Variants in DMRT1 observed in about 807,000 individuals in gnomAD.
DMRT1 encodes the protein doublesex- and mab-3-related transcription factor 1.
A neutral mutation model predicts 32.3 loss-of-function variants in DMRT1; 7 were observed. The ratio of observed to expected loss-of-function variants is 0.22; its 90% CI spans 0.12 to 0.41. The LOEUF is 0.41. Among genes scored for constraint, DMRT1 ranks in the 10% least tolerant of loss-of-function variants. The pLI is 1.00. For missense variants in DMRT1, 625 were observed against 500.5 expected (o/e 1.25, Z -2.37); for synonymous variants, 278 against 206.1 (o/e 1.35, Z -2.99).
At chr9:919,158 G>A (rs1818277340) in intron 4 of DMRT1, among the ~76,000 whole-genome samples, 1 of 152,176 alleles carries the variant, frequency 6.6e-6, no homozygotes, top group African/African-American at 2.4e-5. Context: ...TCCTTTGGTT[G>A]ATTGTGTTAA....
intron 4 of DMRT1, among the ~76,000 whole-genome samples, chr9:925,828 G>A (rs10977543): frequency 0.69 from 105,280 of 152,026 alleles, 37,314 homozygotes; most frequent in South Asian, 0.86. Context: ...GTAGGGGAAA[G>A]GAGGGGTCCT....
At chr9:924,070 C>CTT (rs1554757297) in intron 4 of DMRT1, among the ~76,000 whole-genome samples, 41 of 87,034 alleles carry the variant, frequency 4.7e-4, no homozygotes, top group Non-Finnish European at 7.5e-4. Context: ...TGATCAATCT[C>CTT]TTTTTTTTTT....
chr9:942,588 A>G lies in DMRT1; in HGVS notation c.968-25397A>G, dbSNP rs1219852345. On this transcript the variant is annotated intron_variant, in intron 4 of 4. Coordinates refer to ENST00000382276, the MANE Select transcript of DMRT1 (RefSeq NM_021951.3). ...GTGCCTGGCCTATTTTTCATTTTAAACTTGATATAAAATTGCAATGATGAT... is the reference window on the plus strand; with the variant it reads ...GTGCCTGGCCTATTTTTCATTTTAAGCTTGATATAAAATTGCAATGATGAT... 2.0e-5 allele frequency among the ~76,000 whole-genome samples: 3 copies of G among 152,142 alleles called. No individual in the cohort carries two copies. The East Asian group carries it at 5.8e-4, about 29-fold the overall frequency.
Position 841,731 on chromosome 9 carries a change from C to T in DMRT1, c.-108C>T, listed in dbSNP as rs149965643. The T allele has an allele frequency of 1.5e-3, 2,248 of 1,545,246 alleles. 30 individuals carry two copies. In the African/African-American group the frequency reaches 0.027, roughly 19 times the overall value. The stretch of plus-strand genomic sequence containing the variant: ...GCGCCTCCGGCTGCAGCGCACACGT[C>T]TCCTGCGCCTCCTCCTCCGGAGCGT... On this transcript the variant is annotated 5_prime_UTR_variant, in exon 1 of 5. Transcript: ENST00000382276.
At chr9:895,882 G>A (rs887211193) in intron 3 of DMRT1, among the ~76,000 whole-genome samples, 3 of 143,838 alleles carry the variant, frequency 2.1e-5, no homozygotes, top group Non-Finnish European at 4.5e-5. Context: ...TCGGCTCACT[G>A]CAACCTCTGC....
At chr9:923,140 G>T (rs779459443) in intron 4 of DMRT1, among the ~76,000 whole-genome samples, 1 of 152,280 alleles carries the variant, frequency 6.6e-6, no homozygotes, top group Middle Eastern at 3.4e-3. Context: ...GAGTGGACTT[G>T]CTTAATGCTG....
chr9:869,365 C>T (rs907299284), intron 2 of DMRT1, among the ~76,000 whole-genome samples: 10 of 152,200 alleles, frequency 6.6e-5, no homozygotes, highest in African/African-American at 2.4e-4. Flanking sequence ...CAAAGGTGTA[C>T]TCATCTGCAC....
chr9:945,487 G>A (rs1448243917), intron 4 of DMRT1, among the ~76,000 whole-genome samples: 1 of 152,062 alleles, frequency 6.6e-6, no homozygotes, highest in Admixed American at 6.5e-5. Flanking sequence ...TTTCCAATCA[G>A]CCATTTCGTA....
intron 4 of DMRT1, among the ~76,000 whole-genome samples, chr9:947,573 G>C (rs1449236500): frequency 6.6e-6 from 1 of 152,166 alleles, no homozygotes; most frequent in Non-Finnish European, 1.5e-5. Context: ...CAAAATGATA[G>C]AATTTAAATT....
At chr9:930,551 G>T (rs1353611569) in intron 4 of DMRT1, among the ~76,000 whole-genome samples, 1 of 152,044 alleles carries the variant, frequency 6.6e-6, no homozygotes, top group Non-Finnish European at 1.5e-5. Flanking sequence ...TGGGGCTACA[G>T]GCGCCCGCCA....
At chr9:867,091 AG>A (rs1383113986) in intron 2 of DMRT1, among the ~76,000 whole-genome samples, 3 of 152,308 alleles carry the variant, frequency 2.0e-5, no homozygotes, top group Admixed American at 2.0e-4. Flanking sequence ...AATATTTGAA[AG>A]GTAATATAAA....
intron 2 of DMRT1, among the ~76,000 whole-genome samples, chr9:884,059 A>T (rs755901168): frequency 1.3e-5 from 2 of 152,070 alleles, no homozygotes; most frequent in Non-Finnish European, 2.9e-5. Flanking sequence ...GTAAATGGTA[A>T]ATTTGGTTTT....
chr9:861,690 G>A (rs542998436), intron 2 of DMRT1, among the ~76,000 whole-genome samples: 79 of 151,224 alleles, frequency 5.2e-4, no homozygotes, highest in African/African-American at 1.9e-3. Context: ...GGGCAGAGGG[G>A]CCCCCCACCT....
In DMRT1 at chr9:867,644, G is replaced by T. The variant is rs370180881; in HGVS notation, c.538+20501G>T. On this transcript the variant is annotated intron_variant, in intron 2 of 4. Coordinates refer to ENST00000382276, the MANE Select transcript of DMRT1 (RefSeq NM_021951.3). ...ATGGCATGTGTATTAAGTGGTGGAG[G>T]TGGAACTCAAACCCGGGTCTGTGAC... 8.0e-4 allele frequency among the ~76,000 whole-genome samples: 122 copies of T among 152,276 alleles called. 1 individual carries two copies. The highest frequency in any genetic ancestry group is 2.7e-3 in the African/African-American group (113 of 41,566).
intron 2 of DMRT1, among the ~76,000 whole-genome samples, chr9:869,813 C>G (rs1392805587): frequency 6.6e-6 from 1 of 152,086 alleles, no homozygotes; most frequent in African/African-American, 2.4e-5. Flanking sequence ...TTCTCCTCTT[C>G]TCCCCATTTG....
chr9:951,369 C>A (rs1160982252), intron 4 of DMRT1, among the ~76,000 whole-genome samples: 1 of 152,150 alleles, frequency 6.6e-6, no homozygotes, highest in Non-Finnish European at 1.5e-5. Context: ...ACAGACCAGA[C>A]ATGGACAGTA....
At chr9:859,929 C>T (rs371929706) in intron 2 of DMRT1, among the ~76,000 whole-genome samples, 1 of 152,180 alleles carries the variant, frequency 6.6e-6, no homozygotes, top group Non-Finnish European at 1.5e-5. Flanking sequence ...AGATGACTTT[C>T]AATGTTGATT....
chr9:859,591 T>G (rs1472261616), intron 2 of DMRT1, among the ~76,000 whole-genome samples: 6 of 152,174 alleles, frequency 3.9e-5, no homozygotes, highest in Non-Finnish European at 7.3e-5. Context: ...CAATTCGGTG[T>G]TTTTGAGTCT....
Position 863,213 on chromosome 9 carries a change from G to C in DMRT1, c.538+16070G>C, listed in dbSNP as rs576003898. 2.6e-5 allele frequency among the ~76,000 whole-genome samples: 4 copies of C among 150,976 alleles called. No individual in the cohort carries two copies. The East Asian group carries it at 7.8e-4, about 29-fold the overall frequency. On this transcript the variant is annotated intron_variant, in intron 2 of 4. Transcript: ENST00000382276. ...GCTGCTTTTAGTCCCAGCTGCTTGCGAGGCTGAGGTGGGAGGATTGCCTGA... is the reference window on the plus strand; with the variant it reads ...GCTGCTTTTAGTCCCAGCTGCTTGCCAGGCTGAGGTGGGAGGATTGCCTGA...
Sources: gnomAD v4.1 joint callset for allele counts (sites outside exome capture counted in the v4.1 genomes callset) on GRCh38, gnomAD v4.1.1 for gene constraint, MANE v1.5 for transcripts, NCBI Gene and HGNC (gene_info 2026-07-23, HGNC 2026-07-21) for gene names.